The following RANBP2 variants were observed in gnomAD, a reference collection of about 807,000 sequenced individuals.
RANBP2 encodes the protein E3 SUMO-protein ligase RanBP2.
RANBP2 carries 57 observed loss-of-function variants against 303.6 expected under a neutral mutation model. The observed-to-expected ratio is 0.19, with a 90% CI of 0.15 to 0.23. RANBP2 has a LOEUF of 0.23. Ranked by LOEUF, RANBP2 falls within the 10% of genes least tolerant of loss-of-function variation. The pLI is 1.00. For synonymous variants in RANBP2, 1,167 were observed against 1,301.5 expected (o/e 0.90, Z 2.23); for missense variants, 3,138 against 3,780.8 (o/e 0.83, Z 4.46).
chr2:109,128,874 G>C, the RANBP2 span: 2 of 298,502 alleles, frequency 6.7e-6, no homozygotes, highest in African/African-American at 2.3e-5. Flanking sequence ...GATGTCCTAG[G>C]GGACCAGGCT....
At chr2:109,692,714 C>G in the RANBP2 span, among the ~76,000 whole-genome samples, 1 of 152,190 alleles carries the variant, frequency 6.6e-6, no homozygotes, top group Non-Finnish European at 1.5e-5. Context: ...AAGTGGCTGC[C>G]TGCATAAATT....
At chr2:109,095,035 G>A in the RANBP2 span, among the ~76,000 whole-genome samples, 1 of 152,170 alleles carries the variant, frequency 6.6e-6, no homozygotes, top group East Asian at 1.9e-4. Context: ...TCTAAATTAA[G>A]GTCAGATATC....
chr2:108,797,814 G>T, the RANBP2 span, among the ~76,000 whole-genome samples: 1 of 152,182 alleles, frequency 6.6e-6, no homozygotes, highest in African/African-American at 2.4e-5. Flanking sequence ...CAAATTAGTA[G>T]AATGGAGAAG....
chr2:108,816,718 T>TG, the RANBP2 span, among the ~76,000 whole-genome samples: 1 of 152,136 alleles, frequency 6.6e-6, no homozygotes, highest in Admixed American at 6.5e-5. Flanking sequence ...GTGTTAGAGA[T>TG]GGGGTCTCCT....
At chr2:109,591,965 T>C in the RANBP2 span, among the ~76,000 whole-genome samples, 2 of 152,310 alleles carry the variant, frequency 1.3e-5, no homozygotes, top group African/African-American at 4.8e-5. Flanking sequence ...ATTTTCTTTC[T>C]AGTTACTCAC....
chr2:109,711,142 C>T, the RANBP2 span, among the ~76,000 whole-genome samples: 3 of 152,046 alleles, frequency 2.0e-5, no homozygotes, highest in Non-Finnish European at 2.9e-5. Context: ...TGAAAGGCAG[C>T]GCAACCTTGA....
chr2:109,221,322 G>T, the RANBP2 span, among the ~76,000 whole-genome samples: 1 of 152,098 alleles, frequency 6.6e-6, no homozygotes, highest in Non-Finnish European at 1.5e-5. Flanking sequence ...GTGACTCACG[G>T]CTGTAATCCC....
chr2:109,224,259 C>G, the RANBP2 span, among the ~76,000 whole-genome samples: 1 of 152,134 alleles, frequency 6.6e-6, no homozygotes, highest in South Asian at 2.1e-4. Context: ...TAGGTTTTTA[C>G]CAAGCATAGT....
the RANBP2 span, among the ~76,000 whole-genome samples, chr2:108,926,185 C>T: frequency 1.3e-5 from 2 of 152,170 alleles, no homozygotes; most frequent in African/African-American, 2.4e-5. Context: ...GTCACCAACC[C>T]GAAATCAGGT....
At chr2:109,164,860 G>C in the RANBP2 span, among the ~76,000 whole-genome samples, 65 of 152,306 alleles carry the variant, frequency 4.3e-4, no homozygotes, top group African/African-American at 1.6e-3. Context: ...TCTAATCAAG[G>C]CTGCAAGTTC....
At chr2:108,724,779 A>G (rs1017114377) in intron 1 of RANBP2, among the ~76,000 whole-genome samples, 31 of 151,974 alleles carry the variant, frequency 2.0e-4, no homozygotes, top group African/African-American at 6.8e-4. Flanking sequence ...CTCATGGTTC[A>G]GTATCTAGAC....
chr2:109,470,852 C>T, the RANBP2 span, among the ~76,000 whole-genome samples: 27 of 152,364 alleles, frequency 1.8e-4, no homozygotes, highest in African/African-American at 6.5e-4. Context: ...CCTTCTTCCT[C>T]ATGATAAGAA....
At chr2:108,998,444 G>T in the RANBP2 span, among the ~76,000 whole-genome samples, 1 of 152,178 alleles carries the variant, frequency 6.6e-6, no homozygotes, top group Non-Finnish European at 1.5e-5. Context: ...TCGTTGGGAA[G>T]TCTCAGAGAT....
the RANBP2 span, among the ~76,000 whole-genome samples, chr2:108,946,475 C>A: frequency 6.6e-6 from 1 of 152,320 alleles, no homozygotes; most frequent in South Asian, 2.1e-4. Context: ...GCTCTCTGGC[C>A]AAACACATAT....
chr2:109,162,955 T>C, the RANBP2 span, among the ~76,000 whole-genome samples: 3 of 152,206 alleles, frequency 2.0e-5, no homozygotes, highest in Non-Finnish European at 4.4e-5. Flanking sequence ...GCTGAAATTG[T>C]CACCTCTCCA....
Position 108,735,681 on chromosome 2 carries a change from G to T in RANBP2, c.555G>T (p.Val185=). The T allele has an allele frequency of 1.3e-6, 2 of 1,597,512 alleles. No individual in the cohort carries two copies. Among genetic ancestry groups the T allele is most frequent in the Non-Finnish European group, 1.7e-6 (2 of 1,179,780 alleles). ...YRSTKRLKDA[V]AHCHEAERNI... ...CAACTAAAAGATTGAAGGATGCTGT[G>T]GCCCACTGCCATGAGGCAGAGAGGA... The change falls in exon 5 of 29, where the codon GTG becomes GTT. Residue 185 remains valine (V), a synonymous_variant. Transcript: ENST00000283195.
chr2:109,568,013 A>ATT, the RANBP2 span: 35 of 1,266,080 alleles, frequency 2.8e-5, no homozygotes, highest in Non-Finnish European at 3.4e-5. Flanking sequence ...CTTACTGAGG[A>ATT]TTTTTTTTTT....
chr2:109,520,613 A>G, the RANBP2 span, among the ~76,000 whole-genome samples: 6 of 91,006 alleles, frequency 6.6e-5, no homozygotes, highest in African/African-American at 9.9e-5. Flanking sequence ...AAAAAAAAAA[A>G]AAAAAAAAAA....
the RANBP2 span, among the ~76,000 whole-genome samples, chr2:109,496,269 T>G: frequency 6.6e-6 from 1 of 152,190 alleles, no homozygotes; most frequent in Non-Finnish European, 1.5e-5. Context: ...TTTATAATCC[T>G]CTTGCTAGCT....
Sources: gnomAD v4.1 joint callset for allele counts (sites outside exome capture counted in the v4.1 genomes callset) on GRCh38, gnomAD v4.1.1 for gene constraint, MANE v1.5 for transcripts, NCBI Gene and HGNC (gene_info 2026-07-23, HGNC 2026-07-21) for gene names.